Variants in LRP1B observed in about 807,000 individuals in gnomAD.
The protein encoded by LRP1B is low-density lipoprotein receptor-related protein 1B.
Under a neutral mutation model 556.6 loss-of-function variants are expected in LRP1B, and 217 were observed. The ratio of observed to expected loss-of-function variants is 0.39; its 90% CI spans 0.35 to 0.44. The LOEUF (loss-of-function observed/expected upper bound fraction) is 0.44. LRP1B is among the 20% of genes least tolerant of loss of function. The pLI, the probability that LRP1B is intolerant of heterozygous loss-of-function variation, is 1.00. For synonymous variants in LRP1B, 2,047 were observed against 1,865.8 expected (o/e 1.10, Z -2.50); for missense variants, 5,053 against 5,620.8 (o/e 0.90, Z 3.23).
intron 53 of LRP1B, among the ~76,000 whole-genome samples, chr2:140,505,385 G>A (rs1441486554): frequency 6.6e-6 from 1 of 152,084 alleles, no homozygotes; most frequent in Non-Finnish European, 1.5e-5. Flanking sequence ...CATTACACAG[G>A]ATTTCCTCTT....
chr2:140,891,103 C>T (rs1391079427), intron 23 of LRP1B, among the ~76,000 whole-genome samples: 1 of 152,070 alleles, frequency 6.6e-6, no homozygotes, highest in Non-Finnish European at 1.5e-5. Flanking sequence ...TCTCCTTTAG[C>T]ATATTATAAG....
Position 140,332,304 on chromosome 2 carries a change from A to AT in LRP1B, c.12223+2148dup, listed in dbSNP as rs35501714. Among the ~76,000 whole-genome samples the AT allele has an allele frequency of 2.3e-3, 348 of 151,176 alleles. 1 individual carries two copies. Among genetic ancestry groups the AT allele is most frequent in the Middle Eastern group, 6.8e-3 (2 of 294 alleles). The stretch of plus-strand genomic sequence containing the variant: ...AAAACTACAATTCTGCATATGCCTC[A>AT]TTTTTTTTTCTTTCTCTAACGTAAA... On this transcript the variant is annotated intron_variant, in intron 79 of 90. Coordinates refer to ENST00000389484, the MANE Select transcript of LRP1B (RefSeq NM_018557.3).
At chr2:141,108,090 G>T (rs771710602) in intron 7 of LRP1B, among the ~76,000 whole-genome samples, 5 of 152,020 alleles carry the variant, frequency 3.3e-5, no homozygotes, top group Non-Finnish European at 5.9e-5. Flanking sequence ...CAGAAAGCTA[G>T]CATTGATATT....
At chr2:141,218,690 G>T (rs1051416308) in intron 6 of LRP1B, among the ~76,000 whole-genome samples, 4 of 152,140 alleles carry the variant, frequency 2.6e-5, no homozygotes, top group African/African-American at 4.8e-5. Context: ...CACTATTTGG[G>T]TGACAGATTC....
chr2:142,125,129 G>A (rs145593734), intron 1 of LRP1B, among the ~76,000 whole-genome samples: 1 of 151,744 alleles, frequency 6.6e-6, no homozygotes, highest in Non-Finnish European at 1.5e-5. Flanking sequence ...TTCTAACTTG[G>A]CCTTGTAATT....
At chr2:141,013,460 A>G in intron 14 of LRP1B, 96 bp downstream of exon 14, 1 of 989,178 alleles carries the variant, frequency 1.0e-6, no homozygotes, top group Non-Finnish European at 1.4e-6. Context: ...TTTTATCATA[A>G]AACTTTAGCA....
At chr2:141,712,389 A>C (rs1229299227) in intron 2 of LRP1B, among the ~76,000 whole-genome samples, 1 of 151,708 alleles carries the variant, frequency 6.6e-6, no homozygotes, top group African/African-American at 2.4e-5. Flanking sequence ...AAAAAAAAAC[A>C]AAAAAAGCCA....
intron 11 of LRP1B, among the ~76,000 whole-genome samples, chr2:141,029,772 T>G (rs1053814676): frequency 6.6e-6 from 1 of 152,134 alleles, no homozygotes. Flanking sequence ...TTGGCACCAA[T>G]GCAGTGGCGG....
chr2:141,652,697 A>T (rs1049145723), intron 2 of LRP1B, among the ~76,000 whole-genome samples: 2 of 152,242 alleles, frequency 1.3e-5, no homozygotes, highest in African/African-American at 4.8e-5. Flanking sequence ...AAAAATAACC[A>T]GTTTAAATAC....
intron 42 of LRP1B, among the ~76,000 whole-genome samples, chr2:140,600,059 C>T (rs1237913614): frequency 6.6e-6 from 1 of 152,010 alleles, no homozygotes; most frequent in Admixed American, 6.6e-5. Context: ...TTTTAATTTA[C>T]AGTTCACCAT....
intron 3 of LRP1B, among the ~76,000 whole-genome samples, chr2:141,463,046 C>A (rs866621579): frequency 1.3e-5 from 2 of 152,114 alleles, no homozygotes; most frequent in African/African-American, 4.8e-5. Context: ...TTTCTGTGAC[C>A]TCACAAAGAC....
chr2:140,575,444 A>C (rs141964035), intron 43 of LRP1B, among the ~76,000 whole-genome samples: 56 of 152,316 alleles, frequency 3.7e-4, no homozygotes, highest in African/African-American at 1.2e-3. Context: ...ATTATTATTC[A>C]TGTAAGGTAT....
At chr2:141,295,407 A>T (rs1686142054) in intron 3 of LRP1B, among the ~76,000 whole-genome samples, 1 of 152,180 alleles carries the variant, frequency 6.6e-6, no homozygotes, top group African/African-American at 2.4e-5. Flanking sequence ...AGTCTTCTTT[A>T]CATCACACTG....
chr2:140,352,912 C>T (rs200239440), intron 76 of LRP1B, 41 bp downstream of exon 76: 67 of 1,566,172 alleles, frequency 4.3e-5, no homozygotes, highest in East Asian at 6.9e-5. Flanking sequence ...ATGTTTACAA[C>T]AAAATTGTAA....
intron 2 of LRP1B, among the ~76,000 whole-genome samples, chr2:141,621,744 G>T (rs545939284): frequency 4.7e-4 from 71 of 152,280 alleles, no homozygotes; most frequent in Admixed American, 4.6e-3. Context: ...TCACAATTTT[G>T]AGTTTTTGGG....
chr2:141,074,280 C>T (rs1009675899), intron 7 of LRP1B, among the ~76,000 whole-genome samples: 2 of 152,046 alleles, frequency 1.3e-5, no homozygotes, highest in Non-Finnish European at 2.9e-5. Context: ...TATGCTTTTC[C>T]AACCTTGGCT....
chr2:140,554,223 C>T (rs1409803469), intron 43 of LRP1B, among the ~76,000 whole-genome samples: 1 of 152,026 alleles, frequency 6.6e-6, no homozygotes, highest in African/African-American at 2.4e-5. Context: ...TGAGGTCACC[C>T]AGAGGACTCA....
At chr2:141,056,727 C>A (rs1699188320) in intron 9 of LRP1B, among the ~76,000 whole-genome samples, 1 of 151,846 alleles carries the variant, frequency 6.6e-6, no homozygotes, top group African/African-American at 2.4e-5. Flanking sequence ...GTGTTCACAT[C>A]CATAGTCATG....
At chr2:141,730,589 A>G (rs931035493) in intron 2 of LRP1B, among the ~76,000 whole-genome samples, 5 of 152,150 alleles carry the variant, frequency 3.3e-5, no homozygotes, top group East Asian at 3.8e-4. Context: ...CCAGCTACCT[A>G]TTATACTAGT....
Sources: gnomAD v4.1 joint callset for allele counts (sites outside exome capture counted in the v4.1 genomes callset) on GRCh38, gnomAD v4.1.1 for gene constraint, MANE v1.5 for transcripts, NCBI Gene and HGNC (gene_info 2026-07-23, HGNC 2026-07-21) for gene names.